Variants in DDX46 observed in about 807,000 individuals in gnomAD.
The protein encoded by DDX46 is DEAD-box helicase 46.
DDX46 carries 30 observed loss-of-function variants against 134.9 expected under a neutral mutation model. The observed-to-expected ratio is 0.22, with a 90% CI of 0.17 to 0.30. DDX46 has a LOEUF of 0.30. Among genes scored for constraint, DDX46 ranks in the 10% least tolerant of loss-of-function variants. The pLI is 1.00. For synonymous variants in DDX46, 415 were observed against 404.1 expected (o/e 1.03, Z -0.32); for missense variants, 622 against 1,248.7 (o/e 0.50, Z 7.56).
In DDX46 at chr5:134,758,868, T is replaced by C; in HGVS notation, c.-71T>C. Reference sequence around the variant, plus strand: ...GTCTTTGCCGGGCGTTGAGGGCAGCTCAGCCTCCTTGTTTGTCCGGTTCGC... The same window carrying C: ...GTCTTTGCCGGGCGTTGAGGGCAGCCCAGCCTCCTTGTTTGTCCGGTTCGC... On this transcript the variant is annotated 5_prime_UTR_variant, in exon 1 of 23. Coordinates refer to ENST00000452510, the MANE Select transcript of DDX46 (RefSeq NM_001300860.2). 6.2e-7 allele frequency: 1 copy of C among 1,612,702 alleles called. No individual in the cohort carries two copies. Among genetic ancestry groups the C allele is most frequent in the Admixed American group, 1.7e-5 (1 of 60,008 alleles).
chr5:134,786,671 C>A (rs1008583535), intron 11 of DDX46, among the ~76,000 whole-genome samples: 2 of 152,078 alleles, frequency 1.3e-5, no homozygotes, highest in African/African-American at 4.8e-5. Context: ...GGCGAGACTC[C>A]CCGTCTCTAC....
intron 2 of DDX46, among the ~76,000 whole-genome samples, chr5:134,764,907 C>G (rs1753515536): frequency 6.6e-6 from 1 of 151,508 alleles, no homozygotes; most frequent in African/African-American, 2.4e-5. Flanking sequence ...CACTCTTTCT[C>G]TCTTTCTCTT....
chr5:134,780,196 ATGTG>A (rs1201137775), intron 6 of DDX46, among the ~76,000 whole-genome samples: 1 of 149,540 alleles, frequency 6.7e-6, no homozygotes, highest in African/African-American at 2.5e-5. Context: ...GTATATATGT[ATGTG>A]TATGTGTATA....
chr5:134,762,928 G>A (rs1580767233), intron 1 of DDX46, among the ~76,000 whole-genome samples: 2 of 151,394 alleles, frequency 1.3e-5, no homozygotes, highest in African/African-American at 4.8e-5. Context: ...GCGTAATGGC[G>A]GACGCCTATA....
chr5:134,761,099 C>T (rs892188903), intron 1 of DDX46, among the ~76,000 whole-genome samples: 1 of 152,162 alleles, frequency 6.6e-6, no homozygotes. Flanking sequence ...AATCTTGGCT[C>T]ACTGCAACCT....
chr5:134,766,016 G>C (rs1054337529), intron 2 of DDX46, among the ~76,000 whole-genome samples: 2 of 152,156 alleles, frequency 1.3e-5, no homozygotes, highest in Non-Finnish European at 2.9e-5. Context: ...ATATTTTATA[G>C]ATGATGAAAC....
rs1228089143 is a variant in DDX46 at position 134,782,974 on chromosome 5, G to A, written c.1075G>A (p.Gly359Ser). The A allele has an allele frequency of 6.2e-7, 1 of 1,613,452 alleles. No individual in the cohort carries two copies. The highest frequency in any genetic ancestry group is 2.2e-5 in the East Asian group (1 of 44,856). Residue 359 changes from glycine to serine, a missense_variant, in exon 9 of 23, where the codon GGC becomes AGC. This residue lies in a region of DDX46 where 63 missense variants were observed against 84.0 expected (regional missense o/e 0.75). Transcript: ENST00000452510. ...EVNVFRLEME[G>S]ITVKGKGCPK... The stretch of plus-strand genomic sequence containing the variant: ...AAATGTGTTTCGATTGGAAATGGAG[G>A]GCATTACAGTTAAAGGAAAAGGTTG...
intron 15 of DDX46, 21 bp downstream of exon 15, chr5:134,796,171 C>T (rs773668992): frequency 6.2e-7 from 1 of 1,610,456 alleles, no homozygotes; most frequent in South Asian, 1.1e-5. Context: ...ACTTGATTCA[C>T]ACATAAAATA....
intron 10 of DDX46, among the ~76,000 whole-genome samples, chr5:134,784,960 C>T (rs1754284844): frequency 6.6e-6 from 1 of 152,192 alleles, no homozygotes; most frequent in African/African-American, 2.4e-5. Flanking sequence ...TTCAAGATTA[C>T]TTGTTTAGAT....
intron 1 of DDX46, among the ~76,000 whole-genome samples, chr5:134,761,835 A>G (rs937826909): frequency 1.3e-5 from 2 of 152,108 alleles, no homozygotes; most frequent in Middle Eastern, 3.2e-3. Flanking sequence ...ATTTTGATCT[A>G]TGCCACCACT....
chr5:134,769,708 G>A (rs1441745347), intron 3 of DDX46, among the ~76,000 whole-genome samples: 9 of 151,816 alleles, frequency 5.9e-5, no homozygotes, highest in Non-Finnish European at 1.2e-4. Flanking sequence ...CACCAAGCCC[G>A]GCTAATTTTT....
intron 6 of DDX46, chr5:134,777,937 A>G (rs1391384790): frequency 4.3e-6 from 2 of 466,694 alleles, no homozygotes; most frequent in Non-Finnish European, 7.3e-6. Flanking sequence ...AACACCATCA[A>G]CTTAGTTTGA....
chr5:134,801,962 T>C (rs1006039594), intron 15 of DDX46, among the ~76,000 whole-genome samples: 12 of 152,174 alleles, frequency 7.9e-5, no homozygotes, highest in African/African-American at 2.2e-4. Context: ...GTGGGGTTCA[T>C]TTAACTTCTA....
intron 15 of DDX46, among the ~76,000 whole-genome samples, chr5:134,799,861 A>G (rs1580804542): frequency 6.6e-6 from 1 of 152,140 alleles, no homozygotes; most frequent in Non-Finnish European, 1.5e-5. Flanking sequence ...TCTGGGCAAC[A>G]TAGTGAGACT....
intron 6 of DDX46, 43 bp downstream of exon 6, chr5:134,777,768 G>A (rs558414604): frequency 1.3e-6 from 2 of 1,566,918 alleles, no homozygotes; most frequent in Admixed American, 4.0e-5. Flanking sequence ...TTCCTCTTGG[G>A]TAACTTGAGT....
chr5:134,810,690 A>G (rs554266878), intron 16 of DDX46, among the ~76,000 whole-genome samples: 1 of 150,892 alleles, frequency 6.6e-6, no homozygotes, highest in Non-Finnish European at 1.5e-5. Context: ...GAAATTTTCT[A>G]GTTTGCTTGT....
At chr5:134,810,645 A>G (rs974729270) in intron 16 of DDX46, among the ~76,000 whole-genome samples, 3 of 150,898 alleles carry the variant, frequency 2.0e-5, no homozygotes, top group South Asian at 2.1e-4. Flanking sequence ...CGTCCAGCCA[A>G]TTGCATATAT....
At chr5:134,805,153 A>T in intron 15 of DDX46, 1 of 166,816 alleles carries the variant, frequency 6.0e-6, no homozygotes, top group Non-Finnish European at 1.3e-5. Flanking sequence ...TCTAGATAAC[A>T]CCCCTGAAAG....
intron 1 of DDX46, 129 bp downstream of exon 1, chr5:134,759,084 C>T: frequency 7.1e-7 from 1 of 1,412,324 alleles, no homozygotes. Context: ...GCCCCGCGAG[C>T]ATTGGAAGGG....
Sources: gnomAD v4.1 joint callset for allele counts (sites outside exome capture counted in the v4.1 genomes callset) on GRCh38, gnomAD v4.1.1 for gene constraint, gnomAD v4.1.1 regional missense constraint, MANE v1.5 for transcripts, NCBI Gene and HGNC (gene_info 2026-07-23, HGNC 2026-07-21) for gene names.